EYS: variants seen among roughly 807,000 people sequenced by gnomAD.
The protein encoded by EYS is EGF-like photoreceptor maintenance factor.
Under a neutral mutation model 282.1 loss-of-function variants are expected in EYS, and 250 were observed. The observed-to-expected ratio is 0.89, with a 90% CI of 0.80 to 0.98. The LOEUF (loss-of-function observed/expected upper bound fraction) is 0.98, where lower values mean the gene tolerates loss of function less well. Ranked by LOEUF, EYS falls within the 50% of genes least tolerant of loss-of-function variation. The probability of loss-of-function intolerance (pLI) is 0.00; values close to 1 mark genes in which losing one functional copy is unlikely to be tolerated. For synonymous variants in EYS, 1,355 were observed against 1,282.9 expected, an observed-to-expected ratio of 1.06 and a Z score of -1.20; for missense variants, 4,016 against 3,709.0, an observed-to-expected ratio of 1.08 and a Z score of -2.15.
intron 12 of EYS, among the ~76,000 whole-genome samples, chr6:65,204,378 A>T (rs983973433): frequency 2.6e-5 from 4 of 151,302 alleles, no homozygotes; most frequent in African/African-American, 9.7e-5. Flanking sequence ...AGGAAGCCAG[A>T]GATTGAGGCC....
At chr6:64,336,707 G>T (rs1411277823) in intron 29 of EYS, among the ~76,000 whole-genome samples, 1 of 151,938 alleles carries the variant, frequency 6.6e-6, no homozygotes, top group Non-Finnish European at 1.5e-5. Context: ...TTTCTCCAAG[G>T]TAGACCATAT....
chr6:63,796,490 AT>A (rs1358394132), intron 37 of EYS, among the ~76,000 whole-genome samples: 1 of 152,204 alleles, frequency 6.6e-6, no homozygotes. Context: ...CAGTCTTTTA[AT>A]TCCAATAGAT....
intron 22 of EYS, among the ~76,000 whole-genome samples, chr6:64,802,135 G>A (rs1219553330): frequency 2.2e-5 from 3 of 137,656 alleles, no homozygotes; most frequent in African/African-American, 8.2e-5. Flanking sequence ...CCAGGTTCAC[G>A]CCATTCTCCT....
At chr6:65,533,862 A>G (rs1767873610) in intron 2 of EYS, among the ~76,000 whole-genome samples, 1 of 152,162 alleles carries the variant, frequency 6.6e-6, no homozygotes, top group African/African-American at 2.4e-5. Context: ...GAATAGACTA[A>G]GACACTCACT....
At chr6:64,428,290 G>A (rs1774472790) in intron 28 of EYS, among the ~76,000 whole-genome samples, 2 of 151,894 alleles carry the variant, frequency 1.3e-5, no homozygotes. Flanking sequence ...TTTCTTATAT[G>A]AAATACTAAA....
chr6:64,480,235 G>A (rs896118038), intron 26 of EYS, among the ~76,000 whole-genome samples: 1 of 151,810 alleles, frequency 6.6e-6, no homozygotes. Context: ...TTTCTTATGG[G>A]TGTGAACCAT....
chr6:64,727,438 A>G (rs1194116708), intron 22 of EYS, among the ~76,000 whole-genome samples: 1 of 152,200 alleles, frequency 6.6e-6, no homozygotes, highest in African/African-American at 2.4e-5. Context: ...TTACTCATGA[A>G]TCTCAACTCT....
chr6:64,629,517 G>A lies in EYS; in HGVS notation c.3444-3272C>T, dbSNP rs528689637. 6.8e-4 allele frequency among the ~76,000 whole-genome samples: 104 copies of A among 152,038 alleles called. 2 individuals carry two copies. Among genetic ancestry groups the A allele is most frequent in the Admixed American group, 9.8e-4 (15 of 15,276 alleles). Reference sequence around the variant, plus strand: ...TTTTTCAATTTATGTTAAGAAATATGTCTCCAGTGACACATATCTTTGATT... The same window carrying A: ...TTTTTCAATTTATGTTAAGAAATATATCTCCAGTGACACATATCTTTGATT... On this transcript the variant is annotated intron_variant, in intron 22 of 42. Coordinates refer to ENST00000503581, the MANE Select transcript of EYS (RefSeq NM_001142800.2).
At chr6:63,911,121 T>TAAA (rs5876875) in intron 35 of EYS, among the ~76,000 whole-genome samples, 1 of 143,532 alleles carries the variant, frequency 7.0e-6, no homozygotes. Flanking sequence ...AGTCATTGGT[T>TAAA]AAAAAAAAAA....
chr6:64,538,776 C>A (rs562311653), intron 26 of EYS, among the ~76,000 whole-genome samples: 86 of 152,230 alleles, frequency 5.6e-4, no homozygotes, highest in South Asian at 5.0e-3. Context: ...CATTACAGAT[C>A]TTTTTAAATG....
intron 8 of EYS, among the ~76,000 whole-genome samples, chr6:65,358,904 T>C (rs1764595245): frequency 6.6e-6 from 1 of 152,050 alleles, no homozygotes; most frequent in African/African-American, 2.4e-5. Flanking sequence ...GCCCACTCGA[T>C]GTATAAAAAC....
At chr6:63,972,594 G>A (rs969947104) in intron 35 of EYS, among the ~76,000 whole-genome samples, 2 of 152,010 alleles carry the variant, frequency 1.3e-5, no homozygotes, top group African/African-American at 4.8e-5. Context: ...AGAACGTGCA[G>A]GTTTGTTACA....
chr6:65,395,548 G>C (rs1766248419), intron 7 of EYS, among the ~76,000 whole-genome samples: 1 of 152,108 alleles, frequency 6.6e-6, no homozygotes, highest in Non-Finnish European at 1.5e-5. Context: ...TAGCAGGTAA[G>C]ATCTATTCTC....
chr6:65,171,404 C>T (rs116407702), intron 12 of EYS, among the ~76,000 whole-genome samples: 1 of 151,474 alleles, frequency 6.6e-6, no homozygotes, highest in Non-Finnish European at 1.5e-5. Flanking sequence ...AGAGGCTAAA[C>T]CTTTACTTAA....
At chr6:65,260,370 CCTGCTCTA>C (rs1767589229) in intron 12 of EYS, among the ~76,000 whole-genome samples, 2 of 152,016 alleles carry the variant, frequency 1.3e-5, no homozygotes, top group Non-Finnish European at 2.9e-5. Flanking sequence ...CCTGCAGATG[CCTGCTCTA>C]CTTTACCACA....
At chr6:64,191,558 T>G (rs1212622904) in intron 31 of EYS, among the ~76,000 whole-genome samples, 3 of 147,608 alleles carry the variant, frequency 2.0e-5, no homozygotes, top group Non-Finnish European at 3.0e-5. Context: ...AATTCCCACC[T>G]ATGGGTGAGA....
At chr6:64,193,834 C>T (rs1016620539) in intron 31 of EYS, among the ~76,000 whole-genome samples, 1 of 152,140 alleles carries the variant, frequency 6.6e-6, no homozygotes, top group Admixed American at 6.5e-5. Flanking sequence ...ATGAACTCAT[C>T]CTTTTTTATG....
intron 7 of EYS, among the ~76,000 whole-genome samples, chr6:65,389,513 A>T (rs1259413705): frequency 6.6e-6 from 1 of 152,152 alleles, no homozygotes; most frequent in Non-Finnish European, 1.5e-5. Flanking sequence ...GAAGGTTCAA[A>T]ACAATGAGGT....
intron 30 of EYS, among the ~76,000 whole-genome samples, chr6:64,279,204 TA>T (rs950512736): frequency 6.6e-6 from 1 of 152,112 alleles, no homozygotes; most frequent in African/African-American, 2.4e-5. Context: ...ATAAATACAG[TA>T]AAAGAAACAT....
Sources: gnomAD v4.1 joint callset for allele counts (sites outside exome capture counted in the v4.1 genomes callset) on GRCh38, gnomAD v4.1.1 for gene constraint, MANE v1.5 for transcripts, NCBI Gene and HGNC (gene_info 2026-07-23, HGNC 2026-07-21) for gene names.